The following TIAM1 variants were observed in gnomAD, a reference collection of about 807,000 sequenced individuals.
The protein encoded by TIAM1 is TIAM Rac1 associated GEF 1.
In TIAM1, 65 loss-of-function variants were observed where a neutral mutation model predicts 163.5. The observed-to-expected ratio is 0.40, with a 90% CI of 0.33 to 0.49. The LOEUF is 0.49. Ranked by LOEUF, TIAM1 falls within the 20% of genes least tolerant of loss-of-function variation. The pLI is 0.77. For synonymous variants in TIAM1, 833 were observed against 810.1 expected, an observed-to-expected ratio of 1.03 and a Z score of -0.48; for missense variants, 1,789 against 2,044.7, an observed-to-expected ratio of 0.87 and a Z score of 2.41.
At chr21:31,294,640 T>A (rs570588174) in intron 2 of TIAM1, among the ~76,000 whole-genome samples, 1 of 152,166 alleles carries the variant, frequency 6.6e-6, no homozygotes, top group Admixed American at 6.5e-5. Context: ...GGGTATGGTA[T>A]GTAAAGAGAA....
chr21:31,546,379 A>G (rs1360853827), intron 1 of TIAM1, among the ~76,000 whole-genome samples: 1 of 151,868 alleles, frequency 6.6e-6, no homozygotes, highest in East Asian at 1.9e-4. Context: ...GCGAAACCCC[A>G]TGTCTACTAA....
chr21:31,442,232 G>GTTTT (rs904586823), intron 2 of TIAM1, among the ~76,000 whole-genome samples: 1 of 125,000 alleles, frequency 8.0e-6, no homozygotes, highest in Non-Finnish European at 1.7e-5. Context: ...GGAGTAGGGA[G>GTTTT]TTTTTTTTTT....
chr21:31,148,826 C>T (rs1278602532), intron 19 of TIAM1, among the ~76,000 whole-genome samples: 4 of 152,152 alleles, frequency 2.6e-5, no homozygotes, highest in South Asian at 2.1e-4. Flanking sequence ...CACAGGCTGA[C>T]GTACATTGCA....
At chr21:31,464,389 C>CTATTTT (rs1453596088) in intron 1 of TIAM1, among the ~76,000 whole-genome samples, 5 of 152,124 alleles carry the variant, frequency 3.3e-5, no homozygotes, top group Non-Finnish European at 7.3e-5. Context: ...CGTTTTTATT[C>CTATTTT]TATTTTTATT....
intron 1 of TIAM1, among the ~76,000 whole-genome samples, chr21:31,468,477 C>A (rs1164583582): frequency 1.3e-5 from 2 of 149,858 alleles, no homozygotes; most frequent in Non-Finnish European, 3.0e-5. Context: ...AGTGAGACTA[C>A]CTCTCAAAAA....
chr21:31,297,448 G>T (rs1309405338), intron 2 of TIAM1, among the ~76,000 whole-genome samples: 1 of 152,226 alleles, frequency 6.6e-6, no homozygotes, highest in Non-Finnish European at 1.5e-5. Flanking sequence ...AGGCTGGAGT[G>T]CAATGGCGAG....
At chr21:31,555,402 T>C (rs927664993) in intron 1 of TIAM1, among the ~76,000 whole-genome samples, 1 of 152,138 alleles carries the variant, frequency 6.6e-6, no homozygotes. Context: ...AAAATGTACA[T>C]GTAAATATAC....
intron 19 of TIAM1, among the ~76,000 whole-genome samples, chr21:31,147,784 T>G (rs1601290161): frequency 7.5e-6 from 1 of 132,976 alleles, no homozygotes; most frequent in Non-Finnish European, 1.6e-5. Flanking sequence ...TATATTATAT[T>G]AAAATATATA....
chr21:31,172,597 G>A (rs1321289837), intron 15 of TIAM1, among the ~76,000 whole-genome samples: 1 of 152,144 alleles, frequency 6.6e-6, no homozygotes, highest in Non-Finnish European at 1.5e-5. Flanking sequence ...CATGCAGCAG[G>A]GGACCGGGGG....
intron 1 of TIAM1, among the ~76,000 whole-genome samples, chr21:31,528,140 G>C (rs1432376296): frequency 1.3e-5 from 2 of 152,162 alleles, no homozygotes; most frequent in African/African-American, 2.4e-5. Context: ...GAGCAGGGAG[G>C]GGGGATGCCG....
chr21:31,456,865 G>A (rs117534128), intron 2 of TIAM1, among the ~76,000 whole-genome samples: 258 of 152,220 alleles, frequency 1.7e-3, no homozygotes, highest in South Asian at 7.1e-3. Flanking sequence ...ACCATTCCCT[G>A]TTTAAATGTC....
chr21:31,295,324 G>T (rs184897372), intron 2 of TIAM1, among the ~76,000 whole-genome samples: 1 of 152,064 alleles, frequency 6.6e-6, no homozygotes, highest in Admixed American at 6.5e-5. Flanking sequence ...CAAAAAATTA[G>T]TTGGGCGTGG....
intron 5 of TIAM1, among the ~76,000 whole-genome samples, chr21:31,247,025 G>C (rs1235596921): frequency 6.6e-6 from 1 of 151,904 alleles, no homozygotes; most frequent in African/African-American, 2.4e-5. Context: ...ATGCTTTTTT[G>C]AAAGATAAAG....
At chr21:31,464,580 C>T (rs1380270127) in intron 1 of TIAM1, among the ~76,000 whole-genome samples, 5 of 151,976 alleles carry the variant, frequency 3.3e-5, no homozygotes, top group African/African-American at 1.2e-4. Context: ...CGGTGGCTCA[C>T]GCCTGTAATC....
intron 8 of TIAM1, among the ~76,000 whole-genome samples, chr21:31,223,121 T>C (rs1275809983): frequency 1.3e-5 from 2 of 152,072 alleles, no homozygotes; most frequent in African/African-American, 2.4e-5. Context: ...TGTCTAAAGA[T>C]GACAAGAGCT....
At chr21:31,316,685 C>T (rs772469112) in intron 2 of TIAM1, among the ~76,000 whole-genome samples, 2 of 152,220 alleles carry the variant, frequency 1.3e-5, no homozygotes, top group African/African-American at 2.4e-5. Context: ...CAGCAAACTT[C>T]CTGGCCTCTC....
intron 19 of TIAM1, among the ~76,000 whole-genome samples, chr21:31,148,045 T>C (rs1006890917): frequency 7.6e-6 from 1 of 131,928 alleles, no homozygotes; most frequent in African/African-American, 2.8e-5. Context: ...TTTTAAACCA[T>C]ACATAATTGG....
chr21:31,432,091 CTTTTTTTTTTTTTTTT>C (rs11291911), intron 2 of TIAM1, among the ~76,000 whole-genome samples: 4 of 93,664 alleles, frequency 4.3e-5, no homozygotes, highest in African/African-American at 9.2e-5. Flanking sequence ...TCTAAGATTC[CTTTTTTTTTTTTTTTT>C]TTTTTTTTTT....
At chr21:31,208,427 A>C (rs985469707) in intron 11 of TIAM1, among the ~76,000 whole-genome samples, 10 of 152,210 alleles carry the variant, frequency 6.6e-5, no homozygotes, top group Admixed American at 3.9e-4. Context: ...GCTCTGCAGA[A>C]TGTTAATGGG....
Sources: gnomAD v4.1 joint callset for allele counts (sites outside exome capture counted in the v4.1 genomes callset) on GRCh38, gnomAD v4.1.1 for gene constraint, MANE v1.5 for transcripts, NCBI Gene and HGNC (gene_info 2026-07-23, HGNC 2026-07-21) for gene names.